Variants in TGFB3 observed in about 807,000 individuals in gnomAD.
TGFB3 encodes the protein transforming growth factor beta-3 proprotein.
A neutral mutation model predicts 40.1 loss-of-function variants in TGFB3; 5 were observed. That is an observed-to-expected ratio of 0.12 (90% CI 0.07 to 0.26). TGFB3 has a LOEUF of 0.26. TGFB3 is among the 10% of genes least tolerant of loss of function. The pLI is 1.00. For synonymous variants in TGFB3, 184 were observed against 205.6 expected (o/e 0.89, Z 0.90); for missense variants, 373 against 530.1 (o/e 0.70, Z 2.91).
At chr14:75,962,287 C>T (rs577759782) in intron 5 of TGFB3, among the ~76,000 whole-genome samples, 8 of 152,204 alleles carry the variant, frequency 5.3e-5, no homozygotes, top group African/African-American at 1.9e-4. Flanking sequence ...ATAACTGATT[C>T]GTTCCTAACT....
At chr14:75,973,005 G>A (rs2140247030) in intron 1 of TGFB3, among the ~76,000 whole-genome samples, 1 of 152,248 alleles carries the variant, frequency 6.6e-6, no homozygotes, top group Non-Finnish European at 1.5e-5. Context: ...ACAAGATGTG[G>A]GCAGCGAATG....
intron 3 of TGFB3, among the ~76,000 whole-genome samples, chr14:75,968,248 GC>G (rs993103389): frequency 3.9e-5 from 6 of 152,188 alleles, no homozygotes; most frequent in African/African-American, 1.4e-4. Flanking sequence ...GTCCTTTGTT[GC>G]CTGGTTTGAA....
chr14:75,963,950 C>T (rs1810578758), intron 4 of TGFB3, among the ~76,000 whole-genome samples: 3 of 152,112 alleles, frequency 2.0e-5, no homozygotes, highest in Admixed American at 2.0e-4. Flanking sequence ...CATCTTGGCT[C>T]ACTGCAACCT....
Position 75,977,862 on chromosome 14 carries a change from A to G in TGFB3, c.352+2680T>C, listed in dbSNP as rs143506871. On this transcript the variant is annotated intron_variant, in intron 1 of 6. Coordinates refer to ENST00000238682, the MANE Select transcript of TGFB3 (RefSeq NM_003239.5). ...AACACTTACAACGTGTATTTTACAT[A>G]TAAATGAGTGCTTAACTACATGCGT... 7.0e-4 allele frequency among the ~76,000 whole-genome samples: 107 copies of G among 152,222 alleles called. 1 individual carries two copies. The Middle Eastern group carries it at 0.01, about 15-fold the overall frequency.
rs907858888 is a variant in TGFB3 at position 75,979,817 on chromosome 14, C to T, written c.352+725G>A. 3.9e-5 allele frequency among the ~76,000 whole-genome samples: 6 copies of T among 152,136 alleles called. No individual in the cohort carries two copies. The highest frequency in any genetic ancestry group is 5.9e-5 in the Non-Finnish European group (4 of 68,018). On this transcript the variant is annotated intron_variant, in intron 1 of 6. Coordinates refer to ENST00000238682, the MANE Select transcript of TGFB3 (RefSeq NM_003239.5). This position sits in a 1 kb window ranked among gnomAD's most constrained non-coding sequence, Gnocchi z 4.8. The stretch of plus-strand genomic sequence containing the variant: ...CCAAAACCCGCTCTCCCCGTGCCCA[C>T]CGGCCTGGAGGGCGCCCATTTTGAG...
At chr14:75,977,283 T>C (rs896266099) in intron 1 of TGFB3, among the ~76,000 whole-genome samples, 2 of 152,314 alleles carry the variant, frequency 1.3e-5, no homozygotes, top group Middle Eastern at 3.4e-3. Context: ...GACACCTACA[T>C]TGGTGATACC....
chr14:75,976,921 G>A (rs1246223013), intron 1 of TGFB3, among the ~76,000 whole-genome samples: 1 of 152,104 alleles, frequency 6.6e-6, no homozygotes, highest in Non-Finnish European at 1.5e-5. Flanking sequence ...GAATCCATAA[G>A]GAGCTTGTCG....
In TGFB3 at chr14:75,971,431, C is replaced by T. The variant is rs537544730; in HGVS notation, c.516+124G>A. The T allele has an allele frequency of 1.7e-5, 26 of 1,531,714 alleles. No homozygotes were observed. The highest frequency in any genetic ancestry group is 7.1e-5 in the South Asian group (6 of 84,948). The allele number at this position is 1,531,714 out of a possible 1,614,324, so 94.9% of individuals were successfully genotyped here. ...TTAATGACAGACACAGATACGGAAA[C>T]GAAGGCTCAGAGAAGCCAGGATTCA... On this transcript the variant is annotated intron_variant, in intron 2 of 6. Transcript: ENST00000238682. The surrounding 1 kb of genome is among the most constrained non-coding windows in gnomAD (Gnocchi z 4.5).
At chr14:75,960,287 A>G in intron 6 of TGFB3, 1 of 155,076 alleles carries the variant, frequency 6.4e-6, no homozygotes. Context: ...TCCTAGCTGG[A>G]ACTGATCACT....
chr14:75,971,732 C>A lies in TGFB3; in HGVS notation c.353-14G>T, dbSNP rs886050797. 1.2e-6 allele frequency: 2 copies of A among 1,614,032 alleles called. No homozygotes were observed. The highest frequency in any genetic ancestry group is 1.7e-6 in the Non-Finnish European group (2 of 1,179,974). Reference sequence around the variant, plus strand: ...CAGCCAGTTCGTCTAGGAGATAAAGCAGAGCAGAGGGCACAGCATGAGCGA... The same window carrying A: ...CAGCCAGTTCGTCTAGGAGATAAAGAAGAGCAGAGGGCACAGCATGAGCGA... On this transcript the variant is annotated splice_polypyrimidine_tract_variant and intron_variant, in intron 1 of 6. Coordinates refer to ENST00000238682, the MANE Select transcript of TGFB3 (RefSeq NM_003239.5). The surrounding 1 kb of genome is among the most constrained non-coding windows in gnomAD (Gnocchi z 4.5).
rs894237538 is a variant in TGFB3 at position 75,980,052 on chromosome 14, ATTC to A, written c.352+487_352+489del. Among the ~76,000 whole-genome samples the A allele has an allele frequency of 6.6e-6, 1 of 152,154 alleles. No homozygotes were observed. ...TGACAGACATTAATTTGGGGCAGGTATTCTTCTTCCCAAGAACTGGAAAAACTG... is the reference window on the plus strand; with the variant it reads ...TGACAGACATTAATTTGGGGCAGGTATTCTTCCCAAGAACTGGAAAAACTG... On this transcript the variant is annotated intron_variant, in intron 1 of 6. Coordinates refer to ENST00000238682, the MANE Select transcript of TGFB3 (RefSeq NM_003239.5). This position sits in a 1 kb window ranked among gnomAD's most constrained non-coding sequence, Gnocchi z 4.3.
At position 75,960,969 on chromosome 14, in the gene TGFB3, G is replaced by A. The variant is rs1060502827; in HGVS notation, c.1034C>T (p.Ser345Leu). 6.2e-7 allele frequency: 1 copy of A among 1,614,228 alleles called. No homozygotes were observed. Among genetic ancestry groups the A allele is most frequent in the East Asian group, 2.2e-5 (1 of 44,888 alleles). Residue 345 changes from serine to leucine, a missense_variant, in exon 6 of 7, where the codon TCA becomes TTA. Transcript: ENST00000238682. ...EPKGYYANFC[S>L]GPCPYLRSAD... ...ACTGCGGAGGTATGGGCAAGGGCCT[G>A]AGCAGAAGTTGGCATAGTAGCCCTT...
rs538002482 is a variant in TGFB3, at chr14:75,968,659, G to A, written c.646+2467C>T. Among the ~76,000 whole-genome samples the A allele has an allele frequency of 4.3e-4, 65 of 152,224 alleles. No individual in the cohort carries two copies. In the South Asian group the frequency reaches 7.1e-3, roughly 17 times the overall value. ...CAGAATTCCCAACAGAGCTGCTGTC[G>A]GCAGATCCACGTGGGTTCTCCTAGG... On this transcript the variant is annotated intron_variant, in intron 3 of 6. Transcript: ENST00000238682.
At chr14:75,966,982 G>A (rs2035228647) in intron 3 of TGFB3, among the ~76,000 whole-genome samples, 2 of 152,128 alleles carry the variant, frequency 1.3e-5, no homozygotes, top group South Asian at 2.1e-4. Flanking sequence ...TCAGCCTCTC[G>A]ATGAGTTGAT....
chr14:75,974,012 T>C (rs2035324085), intron 1 of TGFB3, among the ~76,000 whole-genome samples: 1 of 152,050 alleles, frequency 6.6e-6, no homozygotes, highest in Non-Finnish European at 1.5e-5. Context: ...TGGTGGTGCG[T>C]GCCTGTAATC....
At chr14:75,961,141 C>T in intron 5 of TGFB3, 65 bp from the exon 6 acceptor site, 4 of 1,569,718 alleles carry the variant, frequency 2.5e-6, no homozygotes, top group Non-Finnish European at 3.5e-6. Context: ...TTCATGAATG[C>T]TCTCATATTC....
intron 3 of TGFB3, among the ~76,000 whole-genome samples, chr14:75,967,975 G>A (rs2035241355): frequency 6.6e-6 from 1 of 152,150 alleles, no homozygotes; most frequent in Admixed American, 6.5e-5. Flanking sequence ...CCTGAGCCAT[G>A]ATGCTGAGAG....
At chr14:75,977,104 T>C (rs2035362487) in intron 1 of TGFB3, among the ~76,000 whole-genome samples, 1 of 152,022 alleles carries the variant, frequency 6.6e-6, no homozygotes, top group South Asian at 2.1e-4. Flanking sequence ...TCAGAATAAT[T>C]CTCAGAATAA....
Position 75,965,650 on chromosome 14 carries a change from G to C in TGFB3, c.692C>G (p.Thr231Ser). ...LEISIHCPCH[T>S]FQPNGDILEN... ...CAGGATATCTCCATTGGGCTGAAAG[G>C]TGTGACATGGACAGTGAATGCTGAT... is the stretch of plus-strand genomic sequence containing the variant. The change falls in exon 4 of 7, where the codon ACC (threonine) becomes AGC (serine). Residue 231 changes from threonine to serine, a missense_variant. Transcript: ENST00000238682. 6.2e-7 allele frequency: 1 copy of C among 1,614,174 alleles called. No homozygotes were observed. Among genetic ancestry groups the C allele is most frequent in the South Asian group, 1.1e-5 (1 of 91,078 alleles).
Sources: allele counts gnomAD v4.1 joint callset (sites outside exome capture counted in the v4.1 genomes callset), GRCh38; gene constraint gnomAD v4.1.1; non-coding constraint Gnocchi (gnomAD v3.1); transcripts MANE v1.5; gene names NCBI Gene and HGNC (gene_info 2026-07-23, HGNC 2026-07-21).